EP300: variants seen among roughly 807,000 people sequenced by gnomAD.
EP300 encodes histone acetyltransferase p300.
In EP300, 31 loss-of-function variants were observed where a neutral mutation model predicts 264.0. The ratio of observed to expected loss-of-function variants is 0.12; its 90% CI spans 0.09 to 0.16. The LOEUF (loss-of-function observed/expected upper bound fraction) is 0.16. EP300 is among the 10% of genes least tolerant of loss of function. The pLI is 1.00. For synonymous variants in EP300, 1,340 were observed against 1,045.4 expected (o/e 1.28, Z -5.44); for missense variants, 2,766 against 3,052.9 (o/e 0.91, Z 2.21).
intron 27 of EP300, among the ~76,000 whole-genome samples, chr22:41,170,962 CTTTTTT>C (rs566562957): frequency 7.3e-6 from 1 of 136,630 alleles, no homozygotes; most frequent in Non-Finnish European, 1.6e-5. Flanking sequence ...CGTGCCCAGC[CTTTTTT>C]TTTTTTTTTT....
chr22:41,128,684 T>C (rs2058897719), intron 4 of EP300, among the ~76,000 whole-genome samples: 1 of 151,890 alleles, frequency 6.6e-6, no homozygotes. Context: ...GCTAATTTTT[T>C]GTATTTTTAG....
Position 41,168,868 on chromosome 22 carries a change from G to GTA in EP300, c.4172+3_4172+4dup. The GTA allele has an allele frequency of 6.2e-7, 1 of 1,614,210 alleles. No individual in the cohort carries two copies. The highest frequency in any genetic ancestry group is 8.5e-7 in the Non-Finnish European group (1 of 1,180,044). On this transcript the variant is annotated splice_donor_variant, in intron 25 of 30. Transcript: ENST00000263253. LOFTEE classifies it high-confidence loss of function. ...CTGACTGCCCTCCACCCAACCAGAG[G>GTA]TATGACTAGCTCACAGTGGCTAGCT...
intron 21 of EP300, among the ~76,000 whole-genome samples, chr22:41,163,497 C>T (rs1287986389): frequency 4.0e-5 from 6 of 151,206 alleles, no homozygotes; most frequent in African/African-American, 1.2e-4. Context: ...CATCTGTAAT[C>T]CCAGCACTTT....
At chr22:41,110,656 G>T (rs1601594165) in intron 1 of EP300, among the ~76,000 whole-genome samples, 1 of 151,740 alleles carries the variant, frequency 6.6e-6, no homozygotes. Flanking sequence ...TTCTCCCCTC[G>T]GCCTTCCAAC....
chr22:41,178,338 C>T lies in EP300; in HGVS notation c.6627C>T (p.Asn2209=), dbSNP rs770907743. Residue 2209 remains asparagine (N), a synonymous_variant, in exon 31 of 31, where the codon AAC becomes AAT. Transcript: ENST00000263253. ...PGIGPGMANH[N]QFQQPQGVGY... ...TAGGCCCTGGAATGGCCAACCATAA[C>T]CAGTTCCAGCAACCCCAAGGAGTTG... 6.2e-7 allele frequency: 1 copy of T among 1,608,178 alleles called. No individual in the cohort carries two copies. Among genetic ancestry groups the T allele is most frequent in the Non-Finnish European group, 8.5e-7 (1 of 1,174,748 alleles).
At chr22:41,120,666 C>T (rs2058847284) in intron 2 of EP300, among the ~76,000 whole-genome samples, 1 of 152,088 alleles carries the variant, frequency 6.6e-6, no homozygotes, top group Non-Finnish European at 1.5e-5. Flanking sequence ...ATCATACTGC[C>T]TTTTACCCCA....
chr22:41,146,956 A>T (rs780542284), intron 11 of EP300, 140 bp downstream of exon 11: 3 of 770,042 alleles, frequency 3.9e-6, no homozygotes, highest in Non-Finnish European at 6.6e-6. Context: ...GGTGAAGAGC[A>T]GGTTGGCTGG....
At chr22:41,130,654 T>C (rs566071397) in intron 5 of EP300, among the ~76,000 whole-genome samples, 1 of 152,342 alleles carries the variant, frequency 6.6e-6, no homozygotes, top group Non-Finnish European at 1.5e-5. Flanking sequence ...TATGTTCTGC[T>C]TTGAACCTAT....
In EP300 at chr22:41,124,350, A is replaced by G. The variant is rs117100724; in HGVS notation, c.730-1514A>G. 4.0e-3 allele frequency among the ~76,000 whole-genome samples: 615 copies of G among 152,324 alleles called. 2 individuals carry two copies. Among genetic ancestry groups the G allele is most frequent in the Non-Finnish European group, 6.5e-3 (443 of 68,026 alleles). ...AGCAGCTAGGTTTAAAACAGCAAGG[A>G]ATAGTGTGGAGTCTGGACTTCCGCA... On this transcript the variant is annotated intron_variant, in intron 2 of 30. Transcript: ENST00000263253.
At chr22:41,120,820 G>A (rs922399806) in intron 2 of EP300, among the ~76,000 whole-genome samples, 57 of 152,242 alleles carry the variant, frequency 3.7e-4, no homozygotes, top group Non-Finnish European at 8.8e-5. Context: ...CCAGGCTTAC[G>A]CGATCCTCCT....
At chr22:41,150,889 T>TA (rs66701772) in intron 14 of EP300, among the ~76,000 whole-genome samples, 6,592 of 127,846 alleles carry the variant, frequency 0.052, 163 homozygotes, top group African/African-American at 0.084. Flanking sequence ...AAACTCCGTC[T>TA]AAAAAAAAAA....
chr22:41,114,141 T>C (rs1024884428), intron 1 of EP300, among the ~76,000 whole-genome samples: 1 of 152,056 alleles, frequency 6.6e-6, no homozygotes, highest in African/African-American at 2.4e-5. Context: ...TGAATAGTGG[T>C]TTTAGGTCAG....
chr22:41,172,841 T>C (rs1244535013), intron 28 of EP300, among the ~76,000 whole-genome samples, 178 bp downstream of exon 28: 2 of 152,232 alleles, frequency 1.3e-5, no homozygotes, highest in Non-Finnish European at 2.9e-5. Context: ...TATTAAACTT[T>C]TAAAGCATCA....
intron 1 of EP300, among the ~76,000 whole-genome samples, chr22:41,114,677 T>C (rs1230060864): frequency 1.3e-5 from 2 of 152,042 alleles, no homozygotes; most frequent in Non-Finnish European, 2.9e-5. Context: ...GGTATATAAG[T>C]GGTAAAACAT....
In EP300 at chr22:41,140,070, G is replaced by T. The variant is rs181036133; in HGVS notation, c.1761-70G>T. On this transcript the variant is annotated intron_variant, in intron 8 of 30. Coordinates refer to ENST00000263253, the MANE Select transcript of EP300 (RefSeq NM_001429.4). ...TTTTCTTTTCCTCTATGTGTTCAGT[G>T]TATAAAAATCAGAAAAATACTAATT... The T allele has an allele frequency of 3.4e-3, 3,620 of 1,058,310 alleles. 59 individuals carry two copies. Among genetic ancestry groups the T allele is most frequent in the Non-Finnish European group, 1.5e-3 (988 of 673,116 alleles). The allele number at this position is 1,058,310 out of a possible 1,614,324, so 65.6% of individuals were successfully genotyped here.
chr22:41,127,753 G>A lies in EP300; in HGVS notation c.1168+5G>A, dbSNP rs940896515. 9.9e-6 allele frequency: 16 copies of A among 1,614,074 alleles called. No homozygotes were observed. The African/African-American group carries it at 1.5e-4, about 15-fold the overall frequency. On this transcript the variant is annotated splice_donor_5th_base_variant and intron_variant, in intron 4 of 30. Coordinates refer to ENST00000263253, the MANE Select transcript of EP300 (RefSeq NM_001429.4). ...AGTCAGGCAAGTCTTGCCAAGGTAA[G>A]TGGACCCACAGGGTTACTGTACTTA...
In EP300 at chr22:41,177,598, G is replaced by C. The variant is rs1191276393; in HGVS notation, c.5887G>C (p.Ala1963Pro). 6.2e-7 allele frequency: 1 copy of C among 1,614,138 alleles called. No individual in the cohort carries two copies. The highest frequency in any genetic ancestry group is 1.1e-5 in the South Asian group (1 of 91,082). Residue 1963 changes from alanine (A) to proline (P), a missense_variant, in exon 31 of 31, where the codon GCC becomes CCC. Ala to Pro is a conservative substitution (Grantham distance 27). Coordinates refer to ENST00000263253, the MANE Select transcript of EP300 (RefSeq NM_001429.4). ...CCAGATGCCCCCGATGACTCCCATG[G>C]CCCCCATGGGTATGAACCCACCTCC... The part of the protein sequence containing the change: ...QHQMPPMTPM[A>P]PMGMNPPPMT...
At chr22:41,103,455 C>G (rs962493074) in intron 1 of EP300, among the ~76,000 whole-genome samples, 2 of 152,106 alleles carry the variant, frequency 1.3e-5, no homozygotes, top group Admixed American at 1.3e-4. Context: ...GTAAGTTATG[C>G]TTTAAAAGGT....
chr22:41,101,035 T>C (rs1183981793), intron 1 of EP300, among the ~76,000 whole-genome samples: 1 of 152,104 alleles, frequency 6.6e-6, no homozygotes, highest in East Asian at 1.9e-4. Context: ...TTGTTAGAAA[T>C]GTTTAAGAAT....
Sources: allele counts gnomAD v4.1 joint callset (sites outside exome capture counted in the v4.1 genomes callset), GRCh38; gene constraint gnomAD v4.1.1; transcripts MANE v1.5; gene names NCBI Gene and HGNC (gene_info 2026-07-23, HGNC 2026-07-21).